Variants in FKBP5 observed in about 807,000 individuals in gnomAD.
The protein encoded by FKBP5 is FKBP prolyl isomerase 5.
Under a neutral mutation model 50.5 loss-of-function variants are expected in FKBP5, and 23 were observed. The ratio of observed to expected loss-of-function variants is 0.46; its 90% CI spans 0.33 to 0.65. The LOEUF is 0.65. FKBP5 is among the 30% of genes least tolerant of loss of function. FKBP5 has a pLI of 0.02. For missense variants in FKBP5, 411 were observed against 553.1 expected (o/e 0.74, Z 2.58); for synonymous variants, 176 against 190.6 (o/e 0.92, Z 0.63).
intron 3 of FKBP5, among the ~76,000 whole-genome samples, chr6:35,622,141 T>C (rs564027343): frequency 4.9e-4 from 74 of 152,366 alleles, no homozygotes; most frequent in African/African-American, 1.7e-3. Context: ...CCATTTTTTA[T>C]TCATGACTTT....
At chr6:35,586,157 A>G (rs1210502844) in intron 8 of FKBP5, 28 of 984,812 alleles carry the variant, frequency 2.8e-5, no homozygotes, top group Non-Finnish European at 3.4e-5. Flanking sequence ...GAGAAGGCAT[A>G]TATTTGGGGT....
chr6:35,656,338 G>A (rs907820075), intron 1 of FKBP5, among the ~76,000 whole-genome samples: 1 of 152,114 alleles, frequency 6.6e-6, no homozygotes, highest in Non-Finnish European at 1.5e-5. Context: ...CTTTTCGGGG[G>A]TTAGACTAGA....
intron 6 of FKBP5, among the ~76,000 whole-genome samples, chr6:35,593,571 T>C (rs530643007): frequency 6.6e-6 from 1 of 152,258 alleles, no homozygotes; most frequent in Admixed American, 6.5e-5. Flanking sequence ...TTTTTATTTT[T>C]GAGACAAGAG....
chr6:35,682,069 T>C (rs1014103107), intron 1 of FKBP5, among the ~76,000 whole-genome samples: 42 of 128,522 alleles, frequency 3.3e-4, no homozygotes, highest in African/African-American at 1.7e-3. Context: ...ATTACCCTGT[T>C]AGGTTTCAAT....
At chr6:35,621,618 C>CAA (rs1200934935) in intron 3 of FKBP5, among the ~76,000 whole-genome samples, 18 of 54,020 alleles carry the variant, frequency 3.3e-4, no homozygotes, top group African/African-American at 8.3e-4. Context: ...ACTCTGTCTC[C>CAA]AAAAAAAAAA....
At chr6:35,585,897 A>G (rs1335934136) in intron 8 of FKBP5, 1 of 985,276 alleles carries the variant, frequency 1.0e-6, no homozygotes, top group Non-Finnish European at 1.2e-6. Flanking sequence ...ATATTCTTAC[A>G]TAATTCTCTA....
rs567792391 is a variant in FKBP5 at position 35,611,181 on chromosome 6, C to T, written c.508+7915G>A. Among the ~76,000 whole-genome samples the T allele has an allele frequency of 7.9e-5, 12 of 152,290 alleles. 1 individual carries two copies. The highest frequency in any genetic ancestry group is 7.8e-4 in the Admixed American group (12 of 15,294). ...ATCAACTTTACATATTCCAGAAATT[C>T]TCCATAATTTCTGATCCACTCTTAC... On this transcript the variant is annotated intron_variant, in intron 5 of 10. Coordinates refer to ENST00000357266, the MANE Select transcript of FKBP5 (RefSeq NM_004117.4).
chr6:35,684,282 G>C (rs1170488885), intron 1 of FKBP5, among the ~76,000 whole-genome samples: 1 of 150,956 alleles, frequency 6.6e-6, no homozygotes, highest in Non-Finnish European at 1.5e-5. Flanking sequence ...AGGCTCAAGT[G>C]ATCCTCCCAC....
rs749894857 is a variant in FKBP5, at chr6:35,618,999, A to G, written c.508+97T>C. The G allele has an allele frequency of 8.0e-5, 64 of 798,402 alleles. 1 individual carries two copies. Among genetic ancestry groups the G allele is most frequent in the Non-Finnish European group, 1.3e-4 (61 of 470,580 alleles). The allele number at this position is 798,402 out of a possible 1,614,324, so 49.5% of individuals were successfully genotyped here. On this transcript the variant is annotated intron_variant, in intron 5 of 10. Coordinates refer to ENST00000357266, the MANE Select transcript of FKBP5 (RefSeq NM_004117.4). ...GCGTGAGTCACTGCGCACAGCCGAT[A>G]TATTCATTTCTACAAACATTTTTTT...
intron 5 of FKBP5, among the ~76,000 whole-genome samples, chr6:35,614,560 G>A (rs1249481810): frequency 1.3e-5 from 2 of 152,074 alleles, no homozygotes; most frequent in Non-Finnish European, 2.9e-5. Context: ...TGGAAAGCAA[G>A]TGTTTTGAAT....
At chr6:35,601,937 CAA>C (rs1763158472) in intron 5 of FKBP5, among the ~76,000 whole-genome samples, 2 of 152,144 alleles carry the variant, frequency 1.3e-5, no homozygotes, top group Non-Finnish European at 2.9e-5. Context: ...CAAATCCCCA[CAA>C]AGTCAAACCA....
intron 6 of FKBP5, among the ~76,000 whole-genome samples, chr6:35,595,102 A>G (rs1012531643): frequency 2.0e-5 from 3 of 152,218 alleles, no homozygotes; most frequent in African/African-American, 7.2e-5. Context: ...CCCCATTTAC[A>G]GAGGGGAAAC....
chr6:35,616,589 A>G (rs1301561514), intron 5 of FKBP5, among the ~76,000 whole-genome samples: 1 of 152,108 alleles, frequency 6.6e-6, no homozygotes, highest in African/African-American at 2.4e-5. Flanking sequence ...TTTCAAAACA[A>G]AAAGTTAAAA....
intron 2 of FKBP5, among the ~76,000 whole-genome samples, chr6:35,718,158 C>T (rs971300822): frequency 2.6e-5 from 4 of 151,956 alleles, no homozygotes; most frequent in East Asian, 1.9e-4. Flanking sequence ...AGGCCATAAA[C>T]GATTAGGAGA....
intron 1 of FKBP5, among the ~76,000 whole-genome samples, chr6:35,670,357 A>G (rs1428811045): frequency 6.6e-6 from 1 of 152,204 alleles, no homozygotes; most frequent in Non-Finnish European, 1.5e-5. Flanking sequence ...GAGGATTCAA[A>G]ATTTTTTAAT....
intron 2 of FKBP5, among the ~76,000 whole-genome samples, chr6:35,702,016 T>C (rs1195250677): frequency 2.6e-5 from 4 of 151,996 alleles, no homozygotes; most frequent in Non-Finnish European, 5.9e-5. Context: ...CCCAGCTAAT[T>C]TGTGTATTTT....
chr6:35,696,144 C>CAAAAA (rs60390656), intron 2 of FKBP5, among the ~76,000 whole-genome samples: 1 of 64,478 alleles, frequency 1.6e-5, no homozygotes, highest in African/African-American at 5.0e-5. Flanking sequence ...GACTCTGTCT[C>CAAAAA]AAAAAAAAAA....
intron 6 of FKBP5, among the ~76,000 whole-genome samples, chr6:35,591,630 GT>G (rs1762823673): frequency 6.6e-6 from 1 of 152,002 alleles, no homozygotes; most frequent in African/African-American, 2.4e-5. Context: ...CACAGCCACT[GT>G]AATTGTTAGA....
At chr6:35,631,917 T>A (rs929514321) in intron 3 of FKBP5, among the ~76,000 whole-genome samples, 1 of 138,486 alleles carries the variant, frequency 7.2e-6, no homozygotes, top group African/African-American at 2.8e-5. Flanking sequence ...ATCACGCCAC[T>A]GCACTCCAGC....
Sources: gnomAD v4.1 joint callset for allele counts (sites outside exome capture counted in the v4.1 genomes callset) on GRCh38, gnomAD v4.1.1 for gene constraint, MANE v1.5 for transcripts, NCBI Gene and HGNC (gene_info 2026-07-23, HGNC 2026-07-21) for gene names.